IL1RAPL1: variants seen among roughly 807,000 people sequenced by gnomAD.
IL1RAPL1 encodes the protein interleukin 1 receptor accessory protein like 1, also known as interleukin-1 receptor accessory protein-like 1.
IL1RAPL1 carries 3 observed loss-of-function variants against 48.4 expected under a neutral mutation model. The observed-to-expected ratio is 0.06, with a 90% CI of 0.03 to 0.16. The LOEUF is 0.16. IL1RAPL1 is among the 10% of genes least tolerant of loss of function. IL1RAPL1 has a pLI of 1.00. For missense variants in IL1RAPL1, 349 were observed against 530.6 expected, an observed-to-expected ratio of 0.66 and a Z score of 3.36; for synonymous variants, 185 against 187.7, an observed-to-expected ratio of 0.99 and a Z score of 0.12.
chrX:28,832,014 T>C (rs1010491889), intron 2 of IL1RAPL1, among the ~76,000 whole-genome samples: 1 of 111,462 alleles, frequency 9.0e-6, no homozygotes. Flanking sequence ...TTGGGTATAG[T>C]ATGATATTTT....
In IL1RAPL1 at chrX:29,345,684, C is replaced by T. The variant is rs971864444; in HGVS notation, c.363-50574C>T. On this transcript the variant is annotated intron_variant, in intron 3 of 10. Transcript: ENST00000378993. ...CCCTTGCTGTGTTATTTAAGAAAGC[C>T]AGTATCAGACTCTAAACTCTGGTAC... is the stretch of plus-strand genomic sequence containing the variant. Among the ~76,000 whole-genome samples, 8 of 111,211 alleles carry T rather than the reference C, an allele frequency of 7.2e-5. No homozygotes were observed. In the Admixed American group the frequency reaches 7.7e-4, roughly 11 times the overall value.
chrX:29,388,566 A>T (rs1933814666), intron 3 of IL1RAPL1, among the ~76,000 whole-genome samples: 1 of 112,527 alleles, frequency 8.9e-6, no homozygotes, highest in Non-Finnish European at 1.9e-5. Flanking sequence ...ATGGAATGTG[A>T]TATATCATAC....
chrX:28,721,899 G>A (rs1411781988), intron 1 of IL1RAPL1, among the ~76,000 whole-genome samples: 1 of 111,165 alleles, frequency 9.0e-6, no homozygotes, highest in East Asian at 2.8e-4. Flanking sequence ...AAGATCAGAT[G>A]GTTGTAGATG....
At chrX:29,356,584 C>G (rs1193822343) in intron 3 of IL1RAPL1, among the ~76,000 whole-genome samples, 2 of 110,492 alleles carry the variant, frequency 1.8e-5, no homozygotes, top group African/African-American at 6.6e-5. Context: ...CACACACACA[C>G]GCACACACTC....
intron 1 of IL1RAPL1, among the ~76,000 whole-genome samples, chrX:28,726,251 C>T (rs1447326809): frequency 9.0e-6 from 1 of 111,613 alleles, no homozygotes; most frequent in African/African-American, 3.3e-5. Context: ...TCAGGTGACT[C>T]CAAATTTTTA....
Position 29,668,433 on chromosome X carries a change from C to G in IL1RAPL1, c.707C>G (p.Pro236Arg). The G allele has an allele frequency of 1.7e-6, 2 of 1,206,217 alleles. No individual in the cohort carries two copies. Among genetic ancestry groups the G allele is most frequent in the Non-Finnish European group, 2.2e-6 (2 of 890,529 alleles). Residue 236 changes from proline to arginine, a missense_variant, in exon 6 of 11, where the codon CCT becomes CGT. Physicochemically the swap from Pro to Arg is moderately radical, Grantham distance 103. Around this residue, in one of 3 missense-constraint regions of IL1RAPL1, gnomAD observed 238 missense variants for 337.8 expected, o/e 0.70. Transcript: ENST00000378993. ...RRTTELTVTA[P>R]LTDKPPKLLY... ...TATTATTGTTGTTGTTTTTCAGCCC[C>G]TCTGACTGATAAGCCACCCAAGCTT... is the stretch of plus-strand genomic sequence containing the variant.
intron 6 of IL1RAPL1, among the ~76,000 whole-genome samples, chrX:29,847,739 T>G (rs1208427950): frequency 8.9e-6 from 1 of 111,940 alleles, no homozygotes; most frequent in African/African-American, 3.2e-5. Flanking sequence ...GTAATTTTCT[T>G]TCTTAATGTG....
At chrX:29,518,755 C>T (rs1469281716) in intron 5 of IL1RAPL1, among the ~76,000 whole-genome samples, 5 of 111,504 alleles carry the variant, frequency 4.5e-5, no homozygotes, top group African/African-American at 3.3e-5. Flanking sequence ...TTGGCATTTA[C>T]GCTGAGATGC....
chrX:29,582,347 ATCTT>A (rs1351598475), intron 5 of IL1RAPL1, among the ~76,000 whole-genome samples: 7 of 85,760 alleles, frequency 8.2e-5, no homozygotes, highest in East Asian at 3.5e-4. Flanking sequence ...TAAAGATAGC[ATCTT>A]TTTTTTTTTA....
chrX:29,611,965 G>GCTGCTCTC (rs1419145445), intron 5 of IL1RAPL1, among the ~76,000 whole-genome samples: 1 of 111,207 alleles, frequency 9.0e-6, no homozygotes, highest in African/African-American at 3.3e-5. Flanking sequence ...ATACCACTCT[G>GCTGCTCTC]CTGCTCTCCT....
At chrX:28,915,450 A>G (rs940520794) in intron 2 of IL1RAPL1, among the ~76,000 whole-genome samples, 2 of 112,101 alleles carry the variant, frequency 1.8e-5, no homozygotes, top group African/African-American at 6.5e-5. Flanking sequence ...CCCCAATGCT[A>G]ATGATGTTTC....
intron 5 of IL1RAPL1, among the ~76,000 whole-genome samples, chrX:29,566,988 A>G (rs1287560746): frequency 2.7e-5 from 3 of 111,590 alleles, no homozygotes; most frequent in Non-Finnish European, 5.7e-5. Context: ...AAGCTCCAAC[A>G]TAGATCTAAC....
intron 5 of IL1RAPL1, among the ~76,000 whole-genome samples, chrX:29,421,637 A>G (rs28597906): frequency 0.042 from 4,649 of 111,811 alleles, 108 homozygotes; most frequent in Admixed American, 0.072. Flanking sequence ...TGGGAAGGGC[A>G]TATTTTCTAA....
intron 8 of IL1RAPL1, among the ~76,000 whole-genome samples, chrX:29,935,321 C>T (rs1044759069): frequency 9.9e-5 from 11 of 111,111 alleles, no homozygotes; most frequent in African/African-American, 2.3e-4. Flanking sequence ...ATAATTTTAA[C>T]GTCTATTGAT....
At chrX:29,304,623 A>T (rs1932589309) in intron 3 of IL1RAPL1, among the ~76,000 whole-genome samples, 2 of 112,132 alleles carry the variant, frequency 1.8e-5, no homozygotes, top group Admixed American at 9.5e-5. Context: ...AAATTAAATA[A>T]GCGCTATGTT....
At chrX:28,811,611 A>T (rs947629905) in intron 2 of IL1RAPL1, among the ~76,000 whole-genome samples, 5 of 110,641 alleles carry the variant, frequency 4.5e-5, no homozygotes, top group African/African-American at 1.6e-4. Context: ...AGTTGTGGAG[A>T]TGAATGTGAA....
intron 1 of IL1RAPL1, among the ~76,000 whole-genome samples, chrX:28,650,829 CT>C (rs1196362801): frequency 8.9e-6 from 1 of 111,928 alleles, no homozygotes; most frequent in Non-Finnish European, 1.9e-5. Context: ...AGTCCACTGT[CT>C]TTTTTTGTAT....
intron 1 of IL1RAPL1, among the ~76,000 whole-genome samples, chrX:28,735,551 A>G (rs1935811664): frequency 9.1e-6 from 1 of 110,324 alleles, no homozygotes; most frequent in South Asian, 3.9e-4. Flanking sequence ...GCCGAGGTGG[A>G]AGGATTGCTT....
chrX:29,122,712 TGAATCACTGTAA>T lies in IL1RAPL1; in HGVS notation c.83-160223_83-160212del, dbSNP rs199900133. The stretch of plus-strand genomic sequence containing the variant: ...GTTAAGATTAAGTTAAACATGTCGT[TGAATCACTGTAA>T]GAGACTGCTGATTGCAGAGCCTCTT... On this transcript the variant is annotated intron_variant, in intron 2 of 10. Transcript: ENST00000378993. 1.8e-3 allele frequency among the ~76,000 whole-genome samples: 198 copies of T among 111,265 alleles called. 1 individual carries two copies. Among genetic ancestry groups the T allele is most frequent in the African/African-American group, 6.2e-3 (190 of 30,620 alleles).
Sources: allele counts gnomAD v4.1 joint callset (sites outside exome capture counted in the v4.1 genomes callset), GRCh38; gene constraint gnomAD v4.1.1; regional missense constraint gnomAD v4.1.1; transcripts MANE v1.5; gene names NCBI Gene and HGNC (gene_info 2026-07-23, HGNC 2026-07-21).